TRIM37: variants seen among roughly 807,000 people sequenced by gnomAD.
TRIM37 encodes E3 ubiquitin-protein ligase TRIM37.
Under a neutral mutation model 129.8 loss-of-function variants are expected in TRIM37, and 80 were observed. That is an observed-to-expected ratio of 0.62 (90% confidence interval 0.51 to 0.74). The LOEUF (loss-of-function observed/expected upper bound fraction) is 0.74, where lower values mean the gene tolerates loss of function less well. TRIM37 is among the 30% of genes least tolerant of loss of function. TRIM37 has a pLI of 0.00. For missense variants in TRIM37, 1,054 were observed against 1,176.5 expected, an observed-to-expected ratio of 0.90 and a Z score of 1.52; for synonymous variants, 389 against 387.1, an observed-to-expected ratio of 1.00 and a Z score of -0.06.
At chr17:59,051,062 T>A in intron 14 of TRIM37, 152 bp downstream of exon 14, 1 of 603,308 alleles carries the variant, frequency 1.7e-6, no homozygotes, top group South Asian at 2.1e-5. Flanking sequence ...ACTGCAGAAC[T>A]GGTAAGGATG....
chr17:59,064,574 A>G (rs1228145245), intron 9 of TRIM37, among the ~76,000 whole-genome samples, 169 bp from the exon 10 acceptor site: 2 of 152,340 alleles, frequency 1.3e-5, no homozygotes, highest in East Asian at 3.9e-4. Context: ...AATTCATAAA[A>G]CCATCAAGTT....
chr17:59,015,984 A>G (rs1396510431), intron 20 of TRIM37, among the ~76,000 whole-genome samples, 185 bp from the exon 21 acceptor site: 2 of 152,050 alleles, frequency 1.3e-5, no homozygotes, highest in Non-Finnish European at 2.9e-5. Context: ...TCCAAAAAAT[A>G]AAATAAAATA....
At chr17:59,047,892 T>C in intron 15 of TRIM37, 73 bp from the exon 16 acceptor site, 4 of 1,558,690 alleles carry the variant, frequency 2.6e-6, no homozygotes, top group Non-Finnish European at 3.5e-6. Context: ...ATCCAGCCCA[T>C]AAACCAAGCA....
chr17:59,093,548 C>T (rs976829258), intron 2 of TRIM37, among the ~76,000 whole-genome samples: 1 of 152,216 alleles, frequency 6.6e-6, no homozygotes. Context: ...TGCTCTACCA[C>T]AGCAACCTAC....
At chr17:59,102,739 G>A (rs765437482) in intron 2 of TRIM37, among the ~76,000 whole-genome samples, 3 of 152,192 alleles carry the variant, frequency 2.0e-5, no homozygotes, top group Admixed American at 6.5e-5. Context: ...AGGCTATAGA[G>A]TTCTTGAACT....
intron 9 of TRIM37, among the ~76,000 whole-genome samples, chr17:59,069,117 C>G (rs1370961048): frequency 6.6e-6 from 1 of 152,108 alleles, no homozygotes; most frequent in Non-Finnish European, 1.5e-5. Flanking sequence ...GAGGTCGAGG[C>G]AGGCAAATCA....
chr17:58,981,019 T>C (rs771240721), downstream of TRIM37: 4 of 1,583,924 alleles, frequency 2.5e-6, 1 homozygote, highest in South Asian at 2.3e-5. Flanking sequence ...CTTGGAGCTA[T>C]AAAATAGAAT....
intron 22 of TRIM37, among the ~76,000 whole-genome samples, chr17:59,011,173 A>T (rs1007316084): frequency 3.4e-5 from 5 of 144,996 alleles, no homozygotes; most frequent in Admixed American, 6.9e-5. Flanking sequence ...CGTCTCGGGG[A>T]AAAAAAAAAA....
rs369674552 is a variant in TRIM37 at position 59,035,837 on chromosome 17, C to T, written c.1754-3747G>A. On this transcript the variant is annotated intron_variant, in intron 17 of 23. Transcript: ENST00000262294. Reference sequence around the variant, plus strand: ...AAAAAAAACCTCATAAAAAGACAGACGGATCGGTGACAGGTTCTTCTCCAT... The same window carrying T: ...AAAAAAAACCTCATAAAAAGACAGATGGATCGGTGACAGGTTCTTCTCCAT... Among the ~76,000 whole-genome samples the T allele has an allele frequency of 2.4e-4, 36 of 152,212 alleles. No homozygotes were observed. The East Asian group carries it at 4.3e-3, about 18-fold the overall frequency.
At chr17:59,012,230 C>CAGCAGCAG (rs11280877) in intron 22 of TRIM37, 98 bp downstream of exon 22, 53 of 383,562 alleles carry the variant, frequency 1.4e-4, no homozygotes, top group African/African-American at 1.4e-3. Context: ...AGCAGCAGCA[C>CAGCAGCAG]CACCACCACC....
At chr17:59,036,883 C>T (rs1027912328) in intron 17 of TRIM37, among the ~76,000 whole-genome samples, 12 of 151,692 alleles carry the variant, frequency 7.9e-5, no homozygotes, top group African/African-American at 1.9e-4. Context: ...GAGGCTGAGG[C>T]GGGTGGATCA....
chr17:58,983,543 T>C (rs2143867867), intron 24 of TRIM37: 1 of 152,772 alleles, frequency 6.5e-6, no homozygotes, highest in Non-Finnish European at 1.5e-5. Context: ...AGTAACCCTC[T>C]AACTAATGGT....
At position 59,106,807 on chromosome 17, in the gene TRIM37, G is replaced by A. The variant is rs1599639199; in HGVS notation, c.-346C>T. 4.0e-6 allele frequency: 2 copies of A among 494,554 alleles called. No individual in the cohort carries two copies. The highest frequency in any genetic ancestry group is 3.4e-5 in the Admixed American group (1 of 29,022). 30.6% of individuals were successfully genotyped at this position (494,554 alleles called of 1,614,324 possible). Reference sequence around the variant, plus strand: ...GGAACTGACGGTGGAGTTCAGCGAAGAAGGTGCCGCAGAGAATTCGCAAAC... The same window carrying A: ...GGAACTGACGGTGGAGTTCAGCGAAAAAGGTGCCGCAGAGAATTCGCAAAC... On this transcript the variant is annotated 5_prime_UTR_variant, in exon 1 of 24. Transcript: ENST00000262294.
chr17:59,012,403 C>T lies in TRIM37; in HGVS notation c.2620G>A (p.Asp874Asn). The T allele has an allele frequency of 6.2e-7, 1 of 1,612,094 alleles. No individual in the cohort carries two copies. The highest frequency in any genetic ancestry group is 1.1e-5 in the South Asian group (1 of 91,078). The change falls in exon 22 of 24, where the codon GAT (aspartate) becomes AAT (asparagine). Residue 874 changes from aspartate (D) to asparagine (N), a missense_variant. Coordinates refer to ENST00000262294, the MANE Select transcript of TRIM37 (RefSeq NM_015294.6). ...CCAGTTTCAGAATTATTTTCCAAAT[C>T]AGTCATCTGCAGTCCTTCCAGATGA... ...GGHLEGLQMT[D>N]LENNSETGEL...
At chr17:59,047,962 C>T in intron 15 of TRIM37, 143 bp from the exon 16 acceptor site, 1 of 927,344 alleles carries the variant, frequency 1.1e-6, no homozygotes, top group Non-Finnish European at 1.7e-6. Flanking sequence ...AGCTGCTGAG[C>T]CCTGTAGAGA....
chr17:58,999,146 G>C lies in TRIM37; in HGVS notation c.*231C>G. 1 of 1,357,876 alleles carries C rather than the reference G, an allele frequency of 7.4e-7. No individual in the cohort carries two copies. Among genetic ancestry groups the C allele is most frequent in the South Asian group, 1.6e-5 (1 of 62,454 alleles). The allele number at this position is 1,357,876 out of a possible 1,614,324, so 84.1% of individuals were successfully genotyped here. A position where few individuals can be genotyped will look rare whatever the true frequency, so the allele number is the denominator to read the frequency against. The stretch of plus-strand genomic sequence containing the variant: ...TGCTAAATTAATAGAGAACTACATT[G>C]TTATTTCCTTACATTACAAAGAACT... On this transcript the variant is annotated 3_prime_UTR_variant, in exon 24 of 24. Coordinates refer to ENST00000262294, the MANE Select transcript of TRIM37 (RefSeq NM_015294.6).
chr17:58,974,945 T>A, the TRIM37 span, among the ~76,000 whole-genome samples: 1 of 152,166 alleles, frequency 6.6e-6, no homozygotes, highest in Non-Finnish European at 1.5e-5. Flanking sequence ...GAGGGAATTA[T>A]TAGGAACTCT....
At chr17:59,031,623 G>A (rs997758997) in intron 18 of TRIM37, among the ~76,000 whole-genome samples, 17 of 152,174 alleles carry the variant, frequency 1.1e-4, no homozygotes, top group African/African-American at 2.9e-4. Context: ...GAAGATAACC[G>A]TATTTCATAT....
At position 59,081,962 on chromosome 17, in the gene TRIM37, A is replaced by AT. The variant is rs1272713256; in HGVS notation, c.370-744_370-743insA. On this transcript the variant is annotated intron_variant, in intron 5 of 23. Coordinates refer to ENST00000262294, the MANE Select transcript of TRIM37 (RefSeq NM_015294.6). ...CAAAAAAAAAAAAAAATAAAAAAAA[A>AT]AAAATAATAATAATAATAATAATAA... Among the ~76,000 whole-genome samples, 209 of 127,758 alleles carry AT rather than the reference A, an allele frequency of 1.6e-3. 1 individual carries two copies. The highest frequency in any genetic ancestry group is 2.7e-3 in the African/African-American group (88 of 32,528). 83.8% of individuals were successfully genotyped at this position (127,758 alleles called of 152,430 possible).
Sources: allele counts gnomAD v4.1 joint callset (sites outside exome capture counted in the v4.1 genomes callset), GRCh38; gene constraint gnomAD v4.1.1; transcripts MANE v1.5; gene names NCBI Gene and HGNC (gene_info 2026-07-23, HGNC 2026-07-21).